Variants in ESF1 observed in about 807,000 individuals in gnomAD.
ESF1 encodes ESF1 homolog.
In ESF1, 58 loss-of-function variants were observed where a neutral mutation model predicts 92.0. The ratio of observed to expected loss-of-function variants is 0.63; its 90% CI spans 0.51 to 0.78. ESF1 has a LOEUF of 0.78. Ranked by LOEUF, ESF1 falls within the 30% of genes least tolerant of loss-of-function variation. ESF1 has a pLI of 0.00. For missense variants in ESF1, 922 were observed against 989.1 expected, an observed-to-expected ratio of 0.93 and a Z score of 0.91; for synonymous variants, 321 against 313.7, an observed-to-expected ratio of 1.02 and a Z score of -0.24.
chr20:13,770,905 T>C (rs1205467543), intron 6 of ESF1, among the ~76,000 whole-genome samples: 1 of 152,248 alleles, frequency 6.6e-6, no homozygotes, highest in Non-Finnish European at 1.5e-5. Context: ...AACTGACTTA[T>C]AAATTTTAAC....
intron 2 of ESF1, among the ~76,000 whole-genome samples, chr20:13,780,450 A>G (rs980413881): frequency 1.3e-5 from 2 of 152,130 alleles, no homozygotes; most frequent in African/African-American, 4.8e-5. Flanking sequence ...CCGGATTCCT[A>G]TCCTTTCTTC....
chr20:13,752,044 TAA>T (rs1978663014), intron 9 of ESF1, among the ~76,000 whole-genome samples: 1 of 152,034 alleles, frequency 6.6e-6, no homozygotes, highest in Admixed American at 6.6e-5. Flanking sequence ...TCAATATTAT[TAA>T]GAGAGAAAAC....
chr20:13,782,533 C>G lies in ESF1; in HGVS notation c.608G>C (p.Cys203Ser), dbSNP rs758424948. Residue 203 changes from cysteine (C) to serine (S), a missense_variant, in exon 2 of 14, where the codon TGT becomes TCT. Transcript: ENST00000617257. ...TTGCATTTCTCTTCTTGTCTTAGAA[C>G]ACTCGATTCTGGGAGATTTCACAAT... ...SEIVKSPRIE[C>S]SKTRREMQSV... 1.4e-5 allele frequency: 21 copies of G among 1,554,710 alleles called. 1 individual carries two copies. In the Admixed American group the frequency reaches 1.4e-4, roughly 10 times the overall value.
chr20:13,753,888 T>C (rs1978753666), intron 9 of ESF1, among the ~76,000 whole-genome samples: 1 of 152,242 alleles, frequency 6.6e-6, no homozygotes, highest in South Asian at 2.1e-4. Context: ...AACTTCCACA[T>C]GCTTAGCATT....
chr20:13,755,820 A>G (rs142550131), intron 9 of ESF1, among the ~76,000 whole-genome samples: 156 of 152,314 alleles, frequency 1.0e-3, no homozygotes, highest in Non-Finnish European at 1.5e-3. Context: ...TCATGTTACT[A>G]TACTGTATAA....
At chr20:13,725,680 T>G (rs1439593974) in intron 11 of ESF1, among the ~76,000 whole-genome samples, 1 of 152,212 alleles carries the variant, frequency 6.6e-6, no homozygotes, top group Non-Finnish European at 1.5e-5. Context: ...GGACTTCACC[T>G]GACCTTAGGG....
intron 9 of ESF1, among the ~76,000 whole-genome samples, chr20:13,748,397 A>C (rs928062505): frequency 1.2e-4 from 3 of 25,642 alleles, no homozygotes; most frequent in Non-Finnish European, 1.8e-4. Flanking sequence ...CCTCCCTCAA[A>C]GGATATATAT....
At chr20:13,760,737 G>A (rs1182330538) in intron 8 of ESF1, among the ~76,000 whole-genome samples, 34 of 150,378 alleles carry the variant, frequency 2.3e-4, no homozygotes, top group East Asian at 1.6e-3. Context: ...CCGGCCAGCC[G>A]CCCCGTCCGG....
intron 9 of ESF1, among the ~76,000 whole-genome samples, chr20:13,752,217 T>C (rs1978671547): frequency 6.6e-6 from 1 of 152,182 alleles, no homozygotes; most frequent in South Asian, 2.1e-4. Flanking sequence ...TTATAGCTTA[T>C]TACCTTACAA....
intron 13 of ESF1, among the ~76,000 whole-genome samples, chr20:13,716,313 G>A (rs2147712593): frequency 1.3e-5 from 2 of 152,218 alleles, no homozygotes; most frequent in Middle Eastern, 3.4e-3. Flanking sequence ...AAAGAGGAAG[G>A]AGTAATGGAA....
At chr20:13,730,323 C>T (rs1213890671) in intron 10 of ESF1, among the ~76,000 whole-genome samples, 3 of 151,794 alleles carry the variant, frequency 2.0e-5, no homozygotes, top group Non-Finnish European at 2.9e-5. Flanking sequence ...ATCCGCCTGC[C>T]TCAGCCTCCC....
At chr20:13,777,153 T>C (rs1216287123) in intron 2 of ESF1, among the ~76,000 whole-genome samples, 1 of 152,204 alleles carries the variant, frequency 6.6e-6, no homozygotes, top group Non-Finnish European at 1.5e-5. Flanking sequence ...GTAAAGGTAG[T>C]ACAGTACAAA....
At chr20:13,739,386 G>C (rs1345949502) in intron 9 of ESF1, among the ~76,000 whole-genome samples, 3 of 152,112 alleles carry the variant, frequency 2.0e-5, no homozygotes, top group African/African-American at 7.2e-5. Context: ...ATTCTTAAAA[G>C]CTAACTTCAA....
At chr20:13,715,940 G>A (rs141828647) in intron 13 of ESF1, among the ~76,000 whole-genome samples, 27 of 152,286 alleles carry the variant, frequency 1.8e-4, no homozygotes, top group Non-Finnish European at 2.9e-4. Context: ...ATACTTTTAT[G>A]CATATATTAA....
chr20:13,717,553 C>CT (rs36051769), intron 12 of ESF1, 39 bp from the exon 13 acceptor site: 10 of 1,604,320 alleles, frequency 6.2e-6, no homozygotes, highest in South Asian at 1.1e-5. Context: ...TACAACAGTG[C>CT]TTTTTTTTCC....
intron 4 of ESF1, 105 bp downstream of exon 4, chr20:13,775,052 C>T (rs1273596563): frequency 1.5e-6 from 1 of 667,970 alleles, no homozygotes; most frequent in Non-Finnish European, 2.5e-6. Context: ...ACAACTTCCA[C>T]AGTATTTTCC....
In ESF1 at chr20:13,762,239, T is replaced by C. The variant is rs1979232966; in HGVS notation, c.1667-2386A>G. Among the ~76,000 whole-genome samples the C allele has an allele frequency of 4.6e-5, 7 of 152,318 alleles. No individual in the cohort carries two copies. In the South Asian group the frequency reaches 1.4e-3, roughly 32 times the overall value. ...TTTTCTTAAAATAAATAAAAAATGG[T>C]CCAGGACATTCTTTCCATCCTATCA... On this transcript the variant is annotated intron_variant, in intron 8 of 13. Transcript: ENST00000617257.
intron 10 of ESF1, among the ~76,000 whole-genome samples, chr20:13,731,393 G>A (rs1295258195): frequency 6.6e-6 from 1 of 152,006 alleles, no homozygotes; most frequent in Non-Finnish European, 1.5e-5. Context: ...TTAGCCGGGT[G>A]TGGTGGCGGG....
In ESF1 at chr20:13,759,850, T is replaced by C. The variant is rs765964576; in HGVS notation, c.1670A>G (p.Asp557Gly). 10 of 1,585,672 alleles carry C rather than the reference T, an allele frequency of 6.3e-6. No homozygotes were observed. In the South Asian group the frequency reaches 6.9e-5, roughly 11 times the overall value. Residue 557 changes from aspartate to glycine, a missense_variant, in exon 9 of 14, where the codon GAT (aspartate) becomes GGT (glycine). Transcript: ENST00000617257. ...EEEIEEELQG[D>G]DGVNVEEDGK... ...ATCTTCTTCTACATTGACTCCATCA[T>C]CACCTAATGAAAAAAAAATTCACTT...
Sources: allele counts gnomAD v4.1 joint callset (sites outside exome capture counted in the v4.1 genomes callset), GRCh38; gene constraint gnomAD v4.1.1; transcripts MANE v1.5; gene names NCBI Gene and HGNC (gene_info 2026-07-23, HGNC 2026-07-21).